The following ZNF541 variants were observed in gnomAD, a reference collection of about 807,000 sequenced individuals.
ZNF541 encodes zinc finger protein 541.
Under a neutral mutation model 123.5 loss-of-function variants are expected in ZNF541, and 23 were observed. That is an observed-to-expected ratio of 0.19 (90% CI 0.13 to 0.26). The LOEUF (loss-of-function observed/expected upper bound fraction) is 0.26. ZNF541 is among the 10% of genes least tolerant of loss of function. The pLI is 1.00. For synonymous variants in ZNF541, 751 were observed against 754.5 expected (o/e 1.00, Z 0.08); for missense variants, 1,612 against 1,789.9 (o/e 0.90, Z 1.79).
At chr19:47,567,430 T>C (rs1402457701) in intron 2 of ZNF541, among the ~76,000 whole-genome samples, 1 of 152,152 alleles carries the variant, frequency 6.6e-6, no homozygotes, top group Non-Finnish European at 1.5e-5. Context: ...AGCTAATTTT[T>C]GTATTTTTAG....
rs1205204815 is a variant in ZNF541, at chr19:47,540,341, G to A, written c.2463-6C>T. The A allele has an allele frequency of 1.3e-6, 2 of 1,549,144 alleles. No individual in the cohort carries two copies. The highest frequency in any genetic ancestry group is 1.7e-6 in the Non-Finnish European group (2 of 1,145,398). On this transcript the variant is annotated splice_polypyrimidine_tract_variant and splice_region_variant and intron_variant, in intron 6 of 16. Transcript: ENST00000391901. ...GACTGCCGTTTTGCTGGTTACTGTG[G>A]GACATGGCAGGAAAGAAGAGTGGGA...
At chr19:47,558,018 T>A (rs1471879202) in intron 2 of ZNF541, among the ~76,000 whole-genome samples, 1 of 151,888 alleles carries the variant, frequency 6.6e-6, no homozygotes, top group African/African-American at 2.4e-5. Context: ...GAGTTTACTT[T>A]AAAATACTGT....
intron 12 of ZNF541, among the ~76,000 whole-genome samples, chr19:47,530,633 T>G (rs1969524433): frequency 6.6e-6 from 1 of 152,122 alleles, no homozygotes. Flanking sequence ...TTAAAAAGTA[T>G]TAAGAATTTC....
At chr19:47,572,367 G>C (rs1971504895) in intron 1 of ZNF541, among the ~76,000 whole-genome samples, 1 of 152,016 alleles carries the variant, frequency 6.6e-6, no homozygotes. Context: ...TATTAGACGA[G>C]AGAGAAACTG....
In ZNF541 at chr19:47,544,472, G is replaced by C. The variant is rs143702897; in HGVS notation, c.2057C>G (p.Thr686Ser). The C allele has an allele frequency of 0.021, 32,096 of 1,551,694 alleles. 421 individuals carry two copies. The highest frequency in any genetic ancestry group is 0.023 in the Non-Finnish European group (26,948 of 1,147,004). ...GGGGAAGATGTCCTCCAGGTCCAAG[G>C]TCCCTTTAGAGGATCGCAGCTGCTT... is the stretch of plus-strand genomic sequence containing the variant. ...LAKQLRSSKG[T>S]LDLEDIFPST... Residue 686 changes from threonine (T) to serine (S), a missense_variant, in exon 5 of 17, where the codon ACC (threonine) becomes AGC (serine). Around this residue, in one of 5 missense-constraint regions of ZNF541, gnomAD observed 1,080 missense variants for 1,013.8 expected, o/e 1.07. Transcript: ENST00000391901.
Position 47,545,775 on chromosome 19 carries a change from T to TG in ZNF541, c.753dup (p.Ser252GlnfsTer30). The TG allele has an allele frequency of 1.3e-6, 2 of 1,537,340 alleles. No individual in the cohort carries two copies. Among genetic ancestry groups the TG allele is most frequent in the Non-Finnish European group, 1.8e-6 (2 of 1,142,044 alleles). On this transcript the variant is annotated frameshift_variant, in exon 5 of 17. Transcript: ENST00000391901. LOFTEE classifies it high-confidence loss of function. This position sits in a 1 kb window ranked among gnomAD's most constrained non-coding sequence, Gnocchi z 7.5. ...GGGGGCACCAGGGACCGCAGGCTGC[T>TG]GGGGGGCGGCTGGCCGGCCGACTCG... is the stretch of plus-strand genomic sequence containing the variant.
At chr19:47,527,020 C>T (rs1969330516) in intron 14 of ZNF541, among the ~76,000 whole-genome samples, 1 of 152,220 alleles carries the variant, frequency 6.6e-6, no homozygotes. Context: ...CCTATCAATA[C>T]CTGGAACATG....
chr19:47,552,707 C>T (rs1311500865), intron 3 of ZNF541, among the ~76,000 whole-genome samples: 1 of 110,554 alleles, frequency 9.0e-6, no homozygotes, highest in Non-Finnish European at 1.7e-5. Context: ...CGCACCACTG[C>T]ACTCTAGCCT....
intron 3 of ZNF541, among the ~76,000 whole-genome samples, chr19:47,550,279 CAGGA>C (rs969672464): frequency 1.5e-5 from 2 of 132,064 alleles, no homozygotes; most frequent in African/African-American, 2.9e-5. Context: ...GAAAGAAAGA[CAGGA>C]AGGAAGGAAG....
rs1971534144 is a variant in ZNF541 at position 47,573,113 on chromosome 19, G to T, written c.-276C>A. On this transcript the variant is annotated 5_prime_UTR_variant, in exon 1 of 17. Coordinates refer to ENST00000391901, the MANE Select transcript of ZNF541 (RefSeq NM_001277075.3). Reference sequence around the variant, plus strand: ...CCCGGGGGCTCGCGCGCCGGGCCTCGCGCCTGGCGCCTCGCGGGGCTCCCA... The same window carrying T: ...CCCGGGGGCTCGCGCGCCGGGCCTCTCGCCTGGCGCCTCGCGGGGCTCCCA... Among the ~76,000 whole-genome samples, 1 of 149,852 alleles carries T rather than the reference G, an allele frequency of 6.7e-6. No homozygotes were observed. The highest frequency in any genetic ancestry group is 2.4e-5 in the African/African-American group (1 of 41,164).
In ZNF541 at chr19:47,545,533, G is replaced by A; in HGVS notation, c.996C>T (p.Thr332=). The A allele has an allele frequency of 6.6e-7, 1 of 1,520,916 alleles. No individual in the cohort carries two copies. Among genetic ancestry groups the A allele is most frequent in the Non-Finnish European group, 8.8e-7 (1 of 1,130,318 alleles). The allele number at this position is 1,520,916 out of a possible 1,614,324, so 94.2% of individuals were successfully genotyped here. ...GPHAAPAALD[T]ELPEEPCLPQ... is the part of the protein sequence containing the mutation. ...GGAGGCAAGGCTCCTCGGGAAGCTC[G>A]GTGTCCAGCGCTGCTGGGGCCGCGT... Residue 332 remains threonine (T), a synonymous_variant, in exon 5 of 17, where the codon ACC becomes ACT. Coordinates refer to ENST00000391901, the MANE Select transcript of ZNF541 (RefSeq NM_001277075.3). The surrounding 1 kb of genome is among the most constrained non-coding windows in gnomAD (Gnocchi z 7.5).
rs1311682270 is a variant in ZNF541, at chr19:47,521,824, G to A, written c.3711+30C>T. ...GGTAGCAGGCACTGGGAGGAGAGAA[G>A]AGCTCCCGACACAGCCCTGGTTCCT... On this transcript the variant is annotated intron_variant, in intron 15 of 16. Coordinates refer to ENST00000391901, the MANE Select transcript of ZNF541 (RefSeq NM_001277075.3). This position sits in a 1 kb window ranked among gnomAD's most constrained non-coding sequence, Gnocchi z 4.2. 1.2e-5 allele frequency: 19 copies of A among 1,546,264 alleles called. No individual in the cohort carries two copies. Among genetic ancestry groups the A allele is most frequent in the Non-Finnish European group, 1.7e-5 (19 of 1,143,572 alleles).
intron 3 of ZNF541, among the ~76,000 whole-genome samples, chr19:47,554,131 G>A (rs1348002904): frequency 1.3e-5 from 2 of 152,074 alleles, no homozygotes; most frequent in African/African-American, 2.4e-5. Context: ...CTTTACCCAC[G>A]TTTAAAAATT....
At chr19:47,522,139 C>G in intron 14 of ZNF541, 145 bp from the exon 15 acceptor site, 1 of 1,091,686 alleles carries the variant, frequency 9.2e-7, no homozygotes, top group Non-Finnish European at 1.3e-6. Flanking sequence ...CACAAAGGCA[C>G]AGGACCACAA....
intron 2 of ZNF541, among the ~76,000 whole-genome samples, chr19:47,560,729 G>A (rs185051071): frequency 1.3e-5 from 2 of 152,170 alleles, no homozygotes; most frequent in Admixed American, 1.3e-4. Context: ...ATCCAACTGA[G>A]CTGAAAACTT....
chr19:47,557,743 G>A (rs2123315434), intron 2 of ZNF541, among the ~76,000 whole-genome samples: 1 of 152,168 alleles, frequency 6.6e-6, no homozygotes, highest in South Asian at 2.1e-4. Flanking sequence ...GAAGGCTGAG[G>A]CAGGAGGATC....
At chr19:47,552,742 CAAAAAAAAA>C (rs573248609) in intron 3 of ZNF541, among the ~76,000 whole-genome samples, 10 of 26,112 alleles carry the variant, frequency 3.8e-4, no homozygotes, top group Admixed American at 1.7e-3. Flanking sequence ...GACTCCATCT[CAAAAAAAAA>C]AAAAAAAAAA....
At chr19:47,529,104 G>T in intron 13 of ZNF541, 66 bp from the exon 14 acceptor site, 6 of 1,174,724 alleles carry the variant, frequency 5.1e-6, no homozygotes, top group Non-Finnish European at 7.4e-6. Flanking sequence ...TGGCTGAAAT[G>T]CAGACCACCT....
Position 47,540,187 on chromosome 19 carries a change from G to C in ZNF541, c.2611C>G (p.Gln871Glu). The C allele has an allele frequency of 1.3e-6, 2 of 1,550,682 alleles. No homozygotes were observed. The highest frequency in any genetic ancestry group is 1.7e-6 in the Non-Finnish European group (2 of 1,146,800). Residue 871 changes from glutamine to glutamate, a missense_variant, in exon 7 of 17, where the codon CAG becomes GAG. Transcript: ENST00000391901. Reference sequence around the variant, plus strand: ...TCGTCCCCCTTCACCTGCGGTTCCTGCTTCCCTCGAGGTGACGGCCACTGG... The same window carrying C: ...TCGTCCCCCTTCACCTGCGGTTCCTCCTTCCCTCGAGGTGACGGCCACTGG... ...SDQWPSPRGK[Q>E]EPQVFGTEFC...
Sources: allele counts gnomAD v4.1 joint callset (sites outside exome capture counted in the v4.1 genomes callset), GRCh38; gene constraint gnomAD v4.1.1; regional missense constraint gnomAD v4.1.1; non-coding constraint Gnocchi (gnomAD v3.1); transcripts MANE v1.5; gene names NCBI Gene and HGNC (gene_info 2026-07-23, HGNC 2026-07-21).